DTNB: variants seen among roughly 807,000 people sequenced by gnomAD.
The protein encoded by DTNB is dystrobrevin beta, also known as DTN-B.
Under a neutral mutation model 90.7 loss-of-function variants are expected in DTNB, and 63 were observed. The ratio of observed to expected loss-of-function variants is 0.69; its 90% CI spans 0.57 to 0.86. The LOEUF is 0.86. DTNB is among the 40% of genes least tolerant of loss of function. The pLI, the probability that DTNB is intolerant of heterozygous loss-of-function variation, is 0.00. For missense variants in DTNB, 744 were observed against 807.1 expected, an observed-to-expected ratio of 0.92 and a Z score of 0.95; for synonymous variants, 277 against 286.7, an observed-to-expected ratio of 0.97 and a Z score of 0.34.
chr2:25,628,738 A>G (rs1310573011), intron 3 of DTNB, among the ~76,000 whole-genome samples: 1 of 152,234 alleles, frequency 6.6e-6, no homozygotes, highest in Non-Finnish European at 1.5e-5. Flanking sequence ...TATTACCTTG[A>G]GTCAGCTTTA....
intron 9 of DTNB, among the ~76,000 whole-genome samples, chr2:25,519,427 T>C (rs992236561): frequency 6.6e-6 from 1 of 151,486 alleles, no homozygotes; most frequent in Non-Finnish European, 1.5e-5. Context: ...GCTGACCCTG[T>C]CTCTAAAAAA....
chr2:25,546,663 A>G (rs1229869656), intron 8 of DTNB, among the ~76,000 whole-genome samples: 3 of 152,226 alleles, frequency 2.0e-5, no homozygotes, highest in Non-Finnish European at 1.5e-5. Flanking sequence ...TAATTCTGAT[A>G]GCCAGGGCTT....
intron 7 of DTNB, among the ~76,000 whole-genome samples, chr2:25,578,068 C>T (rs2060978634): frequency 6.6e-6 from 1 of 152,082 alleles, no homozygotes; most frequent in Non-Finnish European, 1.5e-5. Context: ...ACAACTCTTT[C>T]TAGCATTATA....
intron 10 of DTNB, among the ~76,000 whole-genome samples, chr2:25,460,596 G>A (rs867096768): frequency 1.3e-5 from 2 of 152,074 alleles, no homozygotes; most frequent in South Asian, 2.1e-4. Context: ...CGGAGGCCAC[G>A]TGCAACAGGC....
At chr2:25,625,936 C>T (rs1461279250) in intron 4 of DTNB, among the ~76,000 whole-genome samples, 1 of 152,134 alleles carries the variant, frequency 6.6e-6, no homozygotes. Context: ...CCGAGAACTC[C>T]TTTGCCCCTT....
chr2:25,640,048 C>A (rs542980513), intron 2 of DTNB, among the ~76,000 whole-genome samples: 1 of 152,336 alleles, frequency 6.6e-6, no homozygotes, highest in East Asian at 1.9e-4. Context: ...GATGTCAGCA[C>A]TGAACGCTGT....
chr2:25,441,043 C>G (rs1246889982), intron 12 of DTNB, among the ~76,000 whole-genome samples: 1 of 152,172 alleles, frequency 6.6e-6, no homozygotes, highest in Admixed American at 6.5e-5. Flanking sequence ...TCCTGGTTCA[C>G]GTGGAAGGAC....
At chr2:25,429,988 C>T (rs527483933) in intron 14 of DTNB, among the ~76,000 whole-genome samples, 10 of 152,278 alleles carry the variant, frequency 6.6e-5, no homozygotes, top group African/African-American at 2.2e-4. Context: ...TTTTGTCCTA[C>T]ACTCCATCCA....
chr2:25,583,452 T>C (rs1221119764), intron 6 of DTNB, among the ~76,000 whole-genome samples: 1 of 151,890 alleles, frequency 6.6e-6, no homozygotes, highest in African/African-American at 2.4e-5. Context: ...AATCCACTTA[T>C]AATTCTAATA....
At chr2:25,380,401 G>A (rs1268577821) in intron 19 of DTNB, among the ~76,000 whole-genome samples, 3 of 152,156 alleles carry the variant, frequency 2.0e-5, no homozygotes, top group Non-Finnish European at 4.4e-5. Flanking sequence ...TATGAGCTAC[G>A]TTGTAGTTTC....
chr2:25,496,556 T>A (rs2068884418), intron 9 of DTNB, among the ~76,000 whole-genome samples: 1 of 152,050 alleles, frequency 6.6e-6, no homozygotes, highest in Non-Finnish European at 1.5e-5. Flanking sequence ...AGAAGAGATA[T>A]AGTGGGGCTG....
chr2:25,488,896 C>G (rs1316853127), intron 9 of DTNB, among the ~76,000 whole-genome samples: 1 of 152,248 alleles, frequency 6.6e-6, no homozygotes, highest in Non-Finnish European at 1.5e-5. Context: ...GGTGATCCAT[C>G]TGCCACAGCC....
intron 14 of DTNB, among the ~76,000 whole-genome samples, chr2:25,431,606 T>C (rs897332998): frequency 5.3e-4 from 81 of 152,228 alleles, no homozygotes; most frequent in African/African-American, 1.8e-3. Context: ...GCCCTGCTAC[T>C]ACATCTAAGA....
chr2:25,564,130 T>C (rs1257181535), intron 8 of DTNB, among the ~76,000 whole-genome samples: 2 of 152,144 alleles, frequency 1.3e-5, no homozygotes, highest in Non-Finnish European at 2.9e-5. Context: ...CTCGATCTCC[T>C]GACCTTGTGA....
chr2:25,513,160 T>C (rs1321311955), intron 9 of DTNB, among the ~76,000 whole-genome samples: 1 of 152,228 alleles, frequency 6.6e-6, no homozygotes, highest in African/African-American at 2.4e-5. Flanking sequence ...CGGAGAAATA[T>C]TCAAATTATT....
Position 25,455,495 on chromosome 2 carries a change from C to T in DTNB, c.1080-1G>A. The stretch of plus-strand genomic sequence containing the variant: ...GGGTATATCCTGGCTATACTGTAAC[C>T]TAGGAACAATGGAGGCAAAGACAGC... On this transcript the variant is annotated splice_acceptor_variant, in intron 10 of 20. Coordinates refer to ENST00000406818, the MANE Select transcript of DTNB (RefSeq NM_021907.5). LOFTEE classifies it high-confidence loss of function. The T allele has an allele frequency of 6.2e-7, 1 of 1,603,268 alleles. No individual in the cohort carries two copies. The highest frequency in any genetic ancestry group is 1.3e-5 in the African/African-American group (1 of 74,832).
At chr2:25,450,973 T>C (rs188921103) in intron 12 of DTNB, among the ~76,000 whole-genome samples, 2 of 152,132 alleles carry the variant, frequency 1.3e-5, no homozygotes, top group African/African-American at 4.8e-5. Flanking sequence ...CCTGGCTAAT[T>C]TTTGTATTTT....
At chr2:25,498,409 T>C (rs554637892) in intron 9 of DTNB, among the ~76,000 whole-genome samples, 16 of 152,148 alleles carry the variant, frequency 1.1e-4, no homozygotes, top group Admixed American at 9.2e-4. Flanking sequence ...GAGCAGAAGA[T>C]GAAAGAGCTG....
At chr2:25,434,178 C>T (rs1174778740) in intron 12 of DTNB, among the ~76,000 whole-genome samples, 183 bp from the exon 13 acceptor site, 1 of 152,140 alleles carries the variant, frequency 6.6e-6, no homozygotes, top group East Asian at 1.9e-4. Context: ...CCAATCACCA[C>T]AGTCCAGTTT....
Sources: allele counts gnomAD v4.1 joint callset (sites outside exome capture counted in the v4.1 genomes callset), GRCh38; gene constraint gnomAD v4.1.1; transcripts MANE v1.5; gene names NCBI Gene and HGNC (gene_info 2026-07-23, HGNC 2026-07-21).